The following C10orf67 variants were observed in gnomAD, a reference collection of about 807,000 sequenced individuals.
C10orf67 encodes uncharacterized protein C10orf67, mitochondrial.
A neutral mutation model predicts 35.6 loss-of-function variants in C10orf67; 60 were observed. That is an observed-to-expected ratio of 1.68 (90% CI 1.37 to 2.09). The LOEUF (loss-of-function observed/expected upper bound fraction) is 2.09. Ranked by LOEUF, C10orf67 falls within the 30% of genes most tolerant of loss-of-function variation. The probability of loss-of-function intolerance (pLI) is 0.00; values close to 1 mark genes in which losing one functional copy is unlikely to be tolerated. For missense variants in C10orf67, 474 were observed against 330.2 expected (o/e 1.44, Z -3.38); for synonymous variants, 167 against 115.8 (o/e 1.44, Z -2.84).
intron 13 of C10orf67, among the ~76,000 whole-genome samples, chr10:23,225,319 T>C (rs1306562608): frequency 6.6e-6 from 1 of 152,120 alleles, no homozygotes; most frequent in Non-Finnish European, 1.5e-5. Context: ...AAGCAAATGC[T>C]GAGAGATTTT....
intron 15 of C10orf67, among the ~76,000 whole-genome samples, chr10:23,205,284 C>T (rs1841127073): frequency 6.6e-6 from 1 of 152,166 alleles, no homozygotes; most frequent in Admixed American, 6.5e-5. Flanking sequence ...ATGCTACACA[C>T]TGCCATAAAG....
At chr10:23,216,198 A>G (rs1440443901) in intron 15 of C10orf67, among the ~76,000 whole-genome samples, 1 of 152,198 alleles carries the variant, frequency 6.6e-6, no homozygotes, top group Admixed American at 6.5e-5. Context: ...TTATAGAAAA[A>G]TCATCTACTT....
At chr10:23,316,052 G>T (rs1844695727) in intron 4 of C10orf67, among the ~76,000 whole-genome samples, 1 of 143,776 alleles carries the variant, frequency 7.0e-6, no homozygotes, top group Admixed American at 7.0e-5. Flanking sequence ...CCTGAGTTTT[G>T]CCCAGGCCTG....
At chr10:23,209,225 A>G (rs1319646763) in intron 15 of C10orf67, among the ~76,000 whole-genome samples, 1 of 152,132 alleles carries the variant, frequency 6.6e-6, no homozygotes, top group Admixed American at 6.5e-5. Flanking sequence ...TCAACAGGGA[A>G]TAACAAAGTG....
At chr10:23,240,088 G>A (rs1842144196) in intron 12 of C10orf67, among the ~76,000 whole-genome samples, 1 of 152,090 alleles carries the variant, frequency 6.6e-6, no homozygotes, top group African/African-American at 2.4e-5. Flanking sequence ...CAATTCAGAA[G>A]GCTGAGGTGG....
intron 8 of C10orf67, among the ~76,000 whole-genome samples, chr10:23,275,966 A>C (rs551374222): frequency 1.9e-4 from 29 of 152,204 alleles, no homozygotes; most frequent in Non-Finnish European, 4.1e-4. Context: ...ATTCTCTCTC[A>C]ATACATTGGA....
intron 5 of C10orf67, among the ~76,000 whole-genome samples, chr10:23,292,236 T>C (rs954384058): frequency 2.0e-5 from 3 of 146,958 alleles, no homozygotes; most frequent in Non-Finnish European, 4.5e-5. Context: ...TCCTCCCTTA[T>C]GGCTGTCTAG....
intron 1 of C10orf67, 65 bp from the exon 2 acceptor site, chr10:23,333,247 G>C: frequency 7.0e-7 from 1 of 1,427,076 alleles, no homozygotes; most frequent in South Asian, 1.2e-5. Context: ...AGATGTTAAT[G>C]CGTCTTTTTT....
chr10:23,219,155 C>T (rs1824436685), intron 15 of C10orf67, among the ~76,000 whole-genome samples: 2 of 152,058 alleles, frequency 1.3e-5, no homozygotes, highest in Non-Finnish European at 2.9e-5. Context: ...TTGTTCTGTC[C>T]TTTAAAAACC....
At chr10:23,253,414 G>C (rs1842513825) in intron 10 of C10orf67, among the ~76,000 whole-genome samples, 1 of 152,152 alleles carries the variant, frequency 6.6e-6, no homozygotes, top group Non-Finnish European at 1.5e-5. Flanking sequence ...AGGGTACAAG[G>C]GGTAGAGAGT....
chr10:23,342,222 AC>A (rs1845921891), intron 1 of C10orf67, among the ~76,000 whole-genome samples: 1 of 150,886 alleles, frequency 6.6e-6, no homozygotes, highest in African/African-American at 2.4e-5. Context: ...CACTTGCCAC[AC>A]ACACACACAC....
At chr10:23,232,973 A>G (rs1041013231) in intron 13 of C10orf67, among the ~76,000 whole-genome samples, 2 of 152,124 alleles carry the variant, frequency 1.3e-5, no homozygotes, top group Non-Finnish European at 2.9e-5. Context: ...CCTGGGCAAC[A>G]TAGTGAGACT....
In C10orf67 at chr10:23,338,718, T is replaced by C. The variant is rs182044329; in HGVS notation, c.207-5536A>G. Among the ~76,000 whole-genome samples the C allele has an allele frequency of 2.6e-5, 4 of 152,090 alleles. No homozygotes were observed. In the East Asian group the frequency reaches 7.7e-4, roughly 29 times the overall value. On this transcript the variant is annotated intron_variant, in intron 1 of 15. Coordinates refer to ENST00000636213, the MANE Select transcript of C10orf67 (RefSeq NM_001371909.1). ...AATAGGTTAAATAGCTTACTGAAGA[T>C]TCATTTAAGGCCAGGCACAGTGGTT...
intron 4 of C10orf67, among the ~76,000 whole-genome samples, chr10:23,315,697 C>T (rs1466351177): frequency 1.3e-5 from 2 of 152,144 alleles, no homozygotes; most frequent in African/African-American, 4.8e-5. Context: ...TGCCTCGGCC[C>T]CCCACAGTGC....
At chr10:23,266,461 A>T in intron 9 of C10orf67, 35 bp from the exon 10 acceptor site, 2 of 398,152 alleles carry the variant, frequency 5.0e-6, no homozygotes, top group Admixed American at 4.4e-5. Context: ...TGTTATTCTC[A>T]TTTTGTTTCT....
At chr10:23,219,146 T>C (rs1841509938) in intron 15 of C10orf67, among the ~76,000 whole-genome samples, 1 of 152,188 alleles carries the variant, frequency 6.6e-6, no homozygotes, top group Non-Finnish European at 1.5e-5. Context: ...ATGTTACAAT[T>C]GTTCTGTCCT....
At chr10:23,328,481 C>T (rs1477921118) in intron 2 of C10orf67, among the ~76,000 whole-genome samples, 1 of 152,092 alleles carries the variant, frequency 6.6e-6, no homozygotes, top group African/African-American at 2.4e-5. Context: ...TGGATCAGAA[C>T]TAGGGCAGCA....
chr10:23,314,871 C>T (rs1394200027), intron 4 of C10orf67, among the ~76,000 whole-genome samples: 2 of 152,002 alleles, frequency 1.3e-5, no homozygotes, highest in South Asian at 2.1e-4. Context: ...TTTATCTTTG[C>T]TGTATTCGAT....
At chr10:23,338,434 T>C (rs1471538158) in intron 1 of C10orf67, among the ~76,000 whole-genome samples, 2 of 152,192 alleles carry the variant, frequency 1.3e-5, no homozygotes, top group Non-Finnish European at 2.9e-5. Flanking sequence ...GACAGGTTGA[T>C]AGCACTGAAC....
Sources: allele counts gnomAD v4.1 joint callset (sites outside exome capture counted in the v4.1 genomes callset), GRCh38; gene constraint gnomAD v4.1.1; transcripts MANE v1.5; gene names NCBI Gene and HGNC (gene_info 2026-07-23, HGNC 2026-07-21).